PARP2: variants seen among roughly 807,000 people sequenced by gnomAD.
PARP2 encodes the protein poly(ADP-ribose) polymerase 2.
A neutral mutation model predicts 77.8 loss-of-function variants in PARP2; 57 were observed. The ratio of observed to expected loss-of-function variants is 0.73; its 90% CI spans 0.59 to 0.91. The LOEUF is 0.91. Among genes scored for constraint, PARP2 ranks in the 40% least tolerant of loss-of-function variants. The pLI is 0.00. For synonymous variants in PARP2, 226 were observed against 242.6 expected (o/e 0.93, Z 0.64); for missense variants, 651 against 689.0 (o/e 0.94, Z 0.62).
intron 3 of PARP2, among the ~76,000 whole-genome samples, chr14:20,345,872 GGA>G (rs1011084329): frequency 1.3e-5 from 2 of 151,802 alleles, no homozygotes; most frequent in East Asian, 3.9e-4. Context: ...AGAGAGAAAG[GGA>G]GAGAGAGAGA....
rs1046876529 is a variant in PARP2 at position 20,355,769 on chromosome 14, T to G, written c.920T>G (p.Leu307Arg). 9 of 1,613,694 alleles carry G rather than the reference T, an allele frequency of 5.6e-6. No individual in the cohort carries two copies. The highest frequency in any genetic ancestry group is 7.6e-6 in the Non-Finnish European group (9 of 1,179,588). Residue 307 changes from leucine to arginine, a missense_variant, in exon 10 of 16, where the codon CTA (leucine) becomes CGA (arginine). Transcript: ENST00000429687. Reference sequence around the variant, plus strand: ...GTTCTTAGACTCCGTACTCCTCCACTAATCCGGACACAGAAGGAACTGTCA... The same window carrying G: ...GTTCTTAGACTCCGTACTCCTCCACGAATCCGGACACAGAAGGAACTGTCA... ...PHDFGLRTPP[L>R]IRTQKELSEK...
At chr14:20,346,648 T>C (rs1476931027) in intron 3 of PARP2, 8 of 482,328 alleles carry the variant, frequency 1.7e-5, no homozygotes, top group Admixed American at 1.6e-4. Flanking sequence ...TCAGAATCTT[T>C]TGTATAGTTA....
chr14:20,347,313 G>T (rs140578749), intron 4 of PARP2, among the ~76,000 whole-genome samples: 1,250 of 118,574 alleles, frequency 0.011, 26 homozygotes, highest in African/African-American at 0.04. Flanking sequence ...ATTACCAGGT[G>T]TAAGCCACCA....
At chr14:20,349,821 A>G (rs567824085) in intron 4 of PARP2, among the ~76,000 whole-genome samples, 35 of 152,242 alleles carry the variant, frequency 2.3e-4, no homozygotes, top group African/African-American at 8.2e-4. Flanking sequence ...AACAAAAAAG[A>G]ATGCCTCCAT....
Position 20,345,375 on chromosome 14 carries a change from C to T in PARP2, c.203-19C>T, listed in dbSNP as rs778519620. On this transcript the variant is annotated intron_variant, in intron 2 of 15. Coordinates refer to ENST00000429687, the MANE Select transcript of PARP2 (RefSeq NM_001042618.2). ...TGTTTTTGATTCCCATAAAGTAGTACCTATCTGTCTTTCCTCAGAATCTGT... is the reference window on the plus strand; with the variant it reads ...TGTTTTTGATTCCCATAAAGTAGTATCTATCTGTCTTTCCTCAGAATCTGT... 43 of 1,600,214 alleles carry T rather than the reference C, an allele frequency of 2.7e-5. No homozygotes were observed. The Admixed American group carries it at 6.2e-4, about 23-fold the overall frequency.
rs1032693916 is a variant in PARP2 at position 20,350,724 on chromosome 14, G to A, written c.421+102G>A. On this transcript the variant is annotated intron_variant, in intron 5 of 15. Transcript: ENST00000429687. ...TCTGGGTTTAAATTGGGTCAGTAGAGGCTCTGAAGTCTGGGAGAGCCTTAG... is the reference window on the plus strand; with the variant it reads ...TCTGGGTTTAAATTGGGTCAGTAGAAGCTCTGAAGTCTGGGAGAGCCTTAG... The A allele has an allele frequency of 6.8e-6, 5 of 735,320 alleles. No individual in the cohort carries two copies. The Admixed American group carries it at 1.1e-4, about 16-fold the overall frequency. 45.5% of individuals were successfully genotyped at this position (735,320 alleles called of 1,614,324 possible).
At chr14:20,354,680 G>C (rs1263840608) in intron 8 of PARP2, 129 bp from the exon 9 acceptor site, 1 of 894,950 alleles carries the variant, frequency 1.1e-6, no homozygotes, top group South Asian at 1.7e-5. Flanking sequence ...GGCAACAGGA[G>C]TGAGACCCCA....
At chr14:20,353,850 C>T (rs1355220052) in intron 7 of PARP2, among the ~76,000 whole-genome samples, 1 of 152,066 alleles carries the variant, frequency 6.6e-6, no homozygotes, top group Non-Finnish European at 1.5e-5. Context: ...GGAGGCAGAA[C>T]TTGGATGGTC....
intron 4 of PARP2, among the ~76,000 whole-genome samples, chr14:20,347,485 G>A (rs1189986616): frequency 3.3e-5 from 4 of 121,400 alleles, no homozygotes; most frequent in South Asian, 2.8e-4. Flanking sequence ...GTGCAATCTC[G>A]GCTCACTGCA....
Position 20,354,775 on chromosome 14 carries a change from T to C in PARP2, c.764-34T>C, listed in dbSNP as rs765742920. On this transcript the variant is annotated intron_variant, in intron 8 of 15. Coordinates refer to ENST00000429687, the MANE Select transcript of PARP2 (RefSeq NM_001042618.2). ...AAGTACAGTTCACTAGATGGGATCC[T>C]AGTTTGGAGTCTGATCTCTGGGTGG... is the stretch of plus-strand genomic sequence containing the variant. 3.5e-5 allele frequency: 55 copies of C among 1,583,982 alleles called. No homozygotes were observed. The Admixed American group carries it at 4.0e-4, about 11-fold the overall frequency.
chr14:20,355,509 T>A (rs1884112740), intron 9 of PARP2: 1 of 305,580 alleles, frequency 3.3e-6, no homozygotes, highest in Non-Finnish European at 5.9e-6. Context: ...TTATAAAAAA[T>A]AATTTTAACT....
Position 20,344,885 on chromosome 14 carries a change from C to T in PARP2, c.47-47C>T, listed in dbSNP as rs115393960. Reference sequence around the variant, plus strand: ...TTTTTTTCAATCTTTAAAATCTACACGTATTCGGGTGTGTACTCATTCTTT... The same window carrying T: ...TTTTTTTCAATCTTTAAAATCTACATGTATTCGGGTGTGTACTCATTCTTT... On this transcript the variant is annotated intron_variant, in intron 1 of 15. Transcript: ENST00000429687. 393 of 1,094,824 alleles carry T rather than the reference C, an allele frequency of 3.6e-4. 1 individual carries two copies. In the African/African-American group the frequency reaches 5.0e-3, roughly 14 times the overall value. The allele number at this position is 1,094,824 out of a possible 1,614,324, so 67.8% of individuals were successfully genotyped here. A position where few individuals can be genotyped will look rare whatever the true frequency, so the allele number is the denominator to read the frequency against.
At chr14:20,345,180 T>C in intron 2 of PARP2, 93 bp downstream of exon 2, 2 of 1,392,526 alleles carry the variant, frequency 1.4e-6, no homozygotes, top group South Asian at 1.2e-5. Flanking sequence ...ATTTCGTCCT[T>C]CTTTCAGGGA....
chr14:20,347,652 C>T (rs1445663568), intron 4 of PARP2, among the ~76,000 whole-genome samples: 1 of 150,840 alleles, frequency 6.6e-6, no homozygotes. Flanking sequence ...CTCAGGTGAT[C>T]CACCCACCTC....
chr14:20,355,789 C>A lies in PARP2; in HGVS notation c.940C>A (p.Leu314Met), dbSNP rs760269755. Residue 314 changes from leucine to methionine, a missense_variant, in exon 10 of 16, where the codon CTG (leucine) becomes ATG (methionine). Transcript: ENST00000429687. ...TCCACTAATCCGGACACAGAAGGAA[C>A]TGTCAGAAAAAATACAATTACTAGA... ...TPPLIRTQKE[L>M]SEKIQLLEAL... 3 of 1,613,818 alleles carry A rather than the reference C, an allele frequency of 1.9e-6. No individual in the cohort carries two copies. Among genetic ancestry groups the A allele is most frequent in the Non-Finnish European group, 2.5e-6 (3 of 1,179,714 alleles).
chr14:20,346,192 A>G (rs1195007269), intron 3 of PARP2, among the ~76,000 whole-genome samples: 1 of 152,162 alleles, frequency 6.6e-6, no homozygotes, highest in Non-Finnish European at 1.5e-5. Flanking sequence ...AGAAAATGGT[A>G]TCATTGTTAA....
At chr14:20,344,661 A>G (rs1355746997) in intron 1 of PARP2, among the ~76,000 whole-genome samples, 2 of 152,032 alleles carry the variant, frequency 1.3e-5, no homozygotes, top group African/African-American at 4.8e-5. Flanking sequence ...AAAAATACAA[A>G]AATTAACTGG....
Position 20,352,322 on chromosome 14 carries a change from A to G in PARP2, c.575A>G (p.Gln192Arg). Residue 192 changes from glutamine to arginine, a missense_variant, in exon 7 of 16, where the codon CAG becomes CGG. Physicochemically the swap from Gln to Arg is conservative, Grantham distance 43. Transcript: ENST00000429687. ...GTGCCTGGAAAATATGATATGCTACAGATGGACTATGCCACCAATACTCAG... is the reference window on the plus strand; with the variant it reads ...GTGCCTGGAAAATATGATATGCTACGGATGGACTATGCCACCAATACTCAG... ...EKVPGKYDML[Q>R]MDYATNTQDE... 6.2e-7 allele frequency: 1 copy of G among 1,602,134 alleles called. No homozygotes were observed. Among genetic ancestry groups the G allele is most frequent in the Admixed American group, 1.7e-5 (1 of 60,000 alleles).
Position 20,355,019 on chromosome 14 carries a change from A to G in PARP2, c.902+72A>G, listed in dbSNP as rs1884094258. On this transcript the variant is annotated intron_variant, in intron 9 of 15. Transcript: ENST00000429687. Reference sequence around the variant, plus strand: ...TCCCCTGTATCCATCAGCAGCAGCTATAATCTTTTAAATCTTTTATTCCTA... The same window carrying G: ...TCCCCTGTATCCATCAGCAGCAGCTGTAATCTTTTAAATCTTTTATTCCTA... 2.2e-6 allele frequency: 3 copies of G among 1,347,334 alleles called. No individual in the cohort carries two copies. In the South Asian group the frequency reaches 4.2e-5, roughly 19 times the overall value. 83.5% of individuals were successfully genotyped at this position (1,347,334 alleles called of 1,614,324 possible). A position where few individuals can be genotyped will look rare whatever the true frequency, so the allele number is the denominator to read the frequency against.
Sources: gnomAD v4.1 joint callset for allele counts (sites outside exome capture counted in the v4.1 genomes callset) on GRCh38, gnomAD v4.1.1 for gene constraint, MANE v1.5 for transcripts, NCBI Gene and HGNC (gene_info 2026-07-23, HGNC 2026-07-21) for gene names.